Variants in DCC observed in about 807,000 individuals in gnomAD.
DCC encodes DCC netrin 1 receptor, also known as netrin receptor DCC.
A neutral mutation model predicts 172.5 loss-of-function variants in DCC; 58 were observed. That is an observed-to-expected ratio of 0.34 (90% CI 0.27 to 0.42). The LOEUF is 0.42. Among genes scored for constraint, DCC ranks in the 10% least tolerant of loss-of-function variants. The probability of loss-of-function intolerance (pLI) is 1.00; values close to 1 mark genes in which losing one functional copy is unlikely to be tolerated. For missense variants in DCC, 1,740 were observed against 1,791.0 expected (o/e 0.97, Z 0.51); for synonymous variants, 709 against 644.5 (o/e 1.10, Z -1.52).
At chr18:53,270,568 G>A (rs900685313) in intron 12 of DCC, among the ~76,000 whole-genome samples, 8 of 152,082 alleles carry the variant, frequency 5.3e-5, no homozygotes, top group Non-Finnish European at 7.4e-5. Context: ...CATATACTGG[G>A]AGGTTTTACC....
chr18:52,486,200 G>A (rs912178660), intron 1 of DCC, among the ~76,000 whole-genome samples: 1 of 152,042 alleles, frequency 6.6e-6, no homozygotes, highest in African/African-American at 2.4e-5. Context: ...ACTTTAGTGA[G>A]CATCAGTATC....
chr18:53,283,344 GAA>G (rs1192320830), intron 12 of DCC, among the ~76,000 whole-genome samples: 1 of 152,038 alleles, frequency 6.6e-6, no homozygotes, highest in East Asian at 1.9e-4. Context: ...AGGAAAGAAA[GAA>G]GGACTCATTT....
chr18:52,711,214 G>T (rs1159730258), intron 1 of DCC, among the ~76,000 whole-genome samples: 1 of 152,004 alleles, frequency 6.6e-6, no homozygotes, highest in Admixed American at 6.6e-5. Flanking sequence ...ATAAGGATGA[G>T]ACCTTGTTTA....
intron 1 of DCC, among the ~76,000 whole-genome samples, chr18:52,543,242 G>T (rs1379144813): frequency 6.6e-6 from 1 of 152,146 alleles, no homozygotes; most frequent in Non-Finnish European, 1.5e-5. Flanking sequence ...TATTTTAATT[G>T]CATTAGTCTC....
intron 15 of DCC, among the ~76,000 whole-genome samples, chr18:53,351,112 T>A (rs2057786560): frequency 6.6e-6 from 1 of 150,722 alleles, no homozygotes. Flanking sequence ...TCATTAATAA[T>A]ACATACTATT....
At chr18:53,464,621 T>C (rs1280877125) in intron 24 of DCC, among the ~76,000 whole-genome samples, 1 of 151,608 alleles carries the variant, frequency 6.6e-6, no homozygotes, top group Non-Finnish European at 1.5e-5. Context: ...CAGTCTATTT[T>C]TAGAATAAAA....
chr18:52,615,153 G>A (rs909476582), intron 1 of DCC, among the ~76,000 whole-genome samples: 6 of 152,174 alleles, frequency 3.9e-5, no homozygotes, highest in Non-Finnish European at 4.4e-5. Flanking sequence ...TTCCTGAGAT[G>A]TGGGCAGGCT....
chr18:52,380,705 A>T (rs1598877185), intron 1 of DCC, among the ~76,000 whole-genome samples: 1 of 152,284 alleles, frequency 6.6e-6, no homozygotes, highest in Admixed American at 6.5e-5. Context: ...ATGTTGAGTC[A>T]TGCAAAACAG....
chr18:52,798,574 T>C lies in DCC; in HGVS notation c.412+46200T>C, dbSNP rs552087865. 2.6e-5 allele frequency among the ~76,000 whole-genome samples: 4 copies of C among 151,430 alleles called. No individual in the cohort carries two copies. The South Asian group carries it at 8.7e-4, about 33-fold the overall frequency. On this transcript the variant is annotated intron_variant, in intron 2 of 28. Transcript: ENST00000442544. ...TTAAAAAATAAAAATCCAAATACTT[T>C]CTGAGTTGAAAGGAAGCTACTCTAA...
intron 2 of DCC, among the ~76,000 whole-genome samples, chr18:52,871,538 A>C (rs139034672): frequency 4.6e-5 from 7 of 152,210 alleles, no homozygotes; most frequent in Non-Finnish European, 7.4e-5. Flanking sequence ...ATCATAGTTC[A>C]CTGCCACCTT....
intron 1 of DCC, among the ~76,000 whole-genome samples, chr18:52,391,042 T>C (rs982059801): frequency 6.6e-6 from 1 of 152,086 alleles, no homozygotes; most frequent in African/African-American, 2.4e-5. Context: ...GTGTGTATAA[T>C]ATTATACACA....
At chr18:53,160,879 G>C (rs1383634625) in intron 8 of DCC, among the ~76,000 whole-genome samples, 1 of 151,968 alleles carries the variant, frequency 6.6e-6, no homozygotes, top group Non-Finnish European at 1.5e-5. Flanking sequence ...CGTATAATCT[G>C]TCTTTCCTCA....
intron 21 of DCC, among the ~76,000 whole-genome samples, chr18:53,433,547 GA>G (rs1911754263): frequency 6.6e-6 from 1 of 152,150 alleles, no homozygotes; most frequent in Non-Finnish European, 1.5e-5. Flanking sequence ...TCAGTTGCTA[GA>G]AAAGTCATCT....
chr18:52,974,195 C>T (rs963394758), intron 5 of DCC, among the ~76,000 whole-genome samples: 2 of 152,076 alleles, frequency 1.3e-5, no homozygotes, highest in African/African-American at 4.8e-5. Context: ...TACAAATTTT[C>T]CTGCAGCTTG....
At chr18:52,799,861 G>A (rs1316415513) in intron 2 of DCC, among the ~76,000 whole-genome samples, 1 of 152,144 alleles carries the variant, frequency 6.6e-6, no homozygotes, top group Non-Finnish European at 1.5e-5. Flanking sequence ...CAGGATTAAT[G>A]TCAAGTTTGG....
intron 2 of DCC, among the ~76,000 whole-genome samples, chr18:52,864,778 T>G (rs1241061864): frequency 1.3e-5 from 2 of 151,630 alleles, no homozygotes; most frequent in Middle Eastern, 3.4e-3. Context: ...ACATGTGGTG[T>G]TTGGTTTTCT....
chr18:53,015,903 T>G (rs2041802158), intron 5 of DCC, among the ~76,000 whole-genome samples: 1 of 152,116 alleles, frequency 6.6e-6, no homozygotes, highest in Admixed American at 6.5e-5. Context: ...CATTATGAAG[T>G]TCATGTCTCT....
intron 1 of DCC, among the ~76,000 whole-genome samples, chr18:52,374,272 C>T (rs1985253262): frequency 6.6e-6 from 1 of 152,078 alleles, no homozygotes; most frequent in Non-Finnish European, 1.5e-5. Flanking sequence ...TACACTTTCT[C>T]AAATGGGTTT....
intron 1 of DCC, among the ~76,000 whole-genome samples, chr18:52,636,868 C>G (rs1033524433): frequency 2.6e-5 from 4 of 152,184 alleles, no homozygotes; most frequent in African/African-American, 9.6e-5. Flanking sequence ...GGCCAACCAA[C>G]ACAAAAATAG....
Sources: gnomAD v4.1 joint callset for allele counts (sites outside exome capture counted in the v4.1 genomes callset) on GRCh38, gnomAD v4.1.1 for gene constraint, MANE v1.5 for transcripts, NCBI Gene and HGNC (gene_info 2026-07-23, HGNC 2026-07-21) for gene names.